ITPR1: variants seen among roughly 807,000 people sequenced by gnomAD.
ITPR1 encodes inositol 1,4,5-trisphosphate-gated calcium channel ITPR1.
A neutral mutation model predicts 318.4 loss-of-function variants in ITPR1; 96 were observed. The ratio of observed to expected loss-of-function variants is 0.30; its 90% CI spans 0.26 to 0.36. ITPR1 has a LOEUF of 0.36. ITPR1 is among the 10% of genes least tolerant of loss of function. The pLI is 1.00. For missense variants in ITPR1, 2,440 were observed against 3,460.2 expected (o/e 0.71, Z 7.40); for synonymous variants, 1,312 against 1,289.9 (o/e 1.02, Z -0.37).
chr3:4,756,376 T>C (rs761323150), intron 44 of ITPR1, among the ~76,000 whole-genome samples: 1 of 152,214 alleles, frequency 6.6e-6, no homozygotes, highest in Non-Finnish European at 1.5e-5. Context: ...AGGTGTGTTA[T>C]ACAGGTAAAC....
At chr3:4,793,293 G>T (rs758666658) in intron 52 of ITPR1, among the ~76,000 whole-genome samples, 25 of 152,264 alleles carry the variant, frequency 1.6e-4, no homozygotes, top group Non-Finnish European at 2.8e-4. Flanking sequence ...CATTTGATAC[G>T]GAGCACTCCC....
chr3:4,719,277 C>T (rs1574998781), intron 40 of ITPR1, among the ~76,000 whole-genome samples: 1 of 152,226 alleles, frequency 6.6e-6, no homozygotes, highest in East Asian at 1.9e-4. Context: ...GCGTTGTTCC[C>T]CTGGCAACTG....
Position 4,727,146 on chromosome 3 carries a change from C to A in ITPR1, c.5193C>A (p.Pro1731=). The A allele has an allele frequency of 6.3e-7, 1 of 1,597,820 alleles. No homozygotes were observed. The highest frequency in any genetic ancestry group is 2.2e-5 in the East Asian group (1 of 44,846). ...NATEELEPSP[P]LRQLEDHKRG... Reference sequence around the variant, plus strand: ...AGCAGGAGCTTGAACCAAGTCCACCCCTGCGGCAGCTGGAAGACCATAAAA... The same window carrying A: ...AGCAGGAGCTTGAACCAAGTCCACCACTGCGGCAGCTGGAAGACCATAAAA... Residue 1731 remains proline (P), a synonymous_variant, in exon 42 of 62, where the codon CCC becomes CCA. Coordinates refer to ENST00000649015, the MANE Select transcript of ITPR1 (RefSeq NM_001378452.1).
At chr3:4,770,514 C>T (rs552734130) in intron 46 of ITPR1, among the ~76,000 whole-genome samples, 19 of 152,312 alleles carry the variant, frequency 1.2e-4, no homozygotes, top group Middle Eastern at 3.4e-3. Context: ...ACCCCACTGT[C>T]GGCCAGGCTG....
At chr3:4,502,274 A>T (rs1244699170) in intron 2 of ITPR1, among the ~76,000 whole-genome samples, 1 of 152,038 alleles carries the variant, frequency 6.6e-6, no homozygotes, top group African/African-American at 2.4e-5. Flanking sequence ...AAAATCTGTC[A>T]TTTGAAACTC....
Position 4,722,782 on chromosome 3 carries a change from C to G in ITPR1, c.5137-2764C>G, listed in dbSNP as rs35504839. On this transcript the variant is annotated intron_variant, in intron 40 of 61. Coordinates refer to ENST00000649015, the MANE Select transcript of ITPR1 (RefSeq NM_001378452.1). ...TTGGATTATTTAGGGAACTTGCCAG[C>G]TAGATATTGTGAAATGAAATTTACT... Among the ~76,000 whole-genome samples the G allele has an allele frequency of 7.3e-3, 1,047 of 143,118 alleles. 10 individuals carry two copies. The highest frequency in any genetic ancestry group is 0.011 in the Non-Finnish European group (723 of 63,358). The allele number at this position is 143,118 out of a possible 152,430, so 93.9% of individuals were successfully genotyped here. A position where few individuals can be genotyped will look rare whatever the true frequency, so the allele number is the denominator to read the frequency against.
In ITPR1 at chr3:4,680,679, A is replaced by C. The variant is rs763362129; in HGVS notation, c.3094A>C (p.Ser1032Arg). 1 of 1,611,778 alleles carries C rather than the reference A, an allele frequency of 6.2e-7. No homozygotes were observed. Among genetic ancestry groups the C allele is most frequent in the African/African-American group, 1.3e-5 (1 of 74,944 alleles). ...SSGNSSQEGP[S>R]NVPGALDFEH... Reference sequence around the variant, plus strand: ...CGGAAACAGCAGCCAAGAAGGGCCAAGTAATGTACCAGGTTAGTGATTCAG... The same window carrying C: ...CGGAAACAGCAGCCAAGAAGGGCCACGTAATGTACCAGGTTAGTGATTCAG... The change falls in exon 25 of 62, where the codon AGT becomes CGT. Residue 1032 changes from serine (S) to arginine (R), a missense_variant. By Grantham distance (110) the Ser-to-Arg change is moderately radical. Transcript: ENST00000649015.
chr3:4,815,651 GACAC>G (rs1460678774), intron 59 of ITPR1, among the ~76,000 whole-genome samples: 1 of 152,100 alleles, frequency 6.6e-6, no homozygotes, highest in African/African-American at 2.4e-5. Context: ...GAGGTGCATG[GACAC>G]CAAACAAATC....
chr3:4,791,286 C>T (rs373403816), intron 52 of ITPR1, among the ~76,000 whole-genome samples: 138 of 152,286 alleles, frequency 9.1e-4, no homozygotes, highest in African/African-American at 3.1e-3. Flanking sequence ...TGTAAGGCAG[C>T]GGTCCCCAAC....
At chr3:4,596,386 G>C (rs2090822039) in intron 4 of ITPR1, among the ~76,000 whole-genome samples, 1 of 151,932 alleles carries the variant, frequency 6.6e-6, no homozygotes, top group Non-Finnish European at 1.5e-5. Flanking sequence ...ATCATCTTTG[G>C]TTCCAAATCG....
chr3:4,631,951 CG>C (rs1559575780), intron 5 of ITPR1, among the ~76,000 whole-genome samples: 1 of 152,090 alleles, frequency 6.6e-6, no homozygotes, highest in Non-Finnish European at 1.5e-5. Context: ...TGCGCCCAGC[CG>C]ACAGATAACT....
At chr3:4,624,286 T>C (rs532743362) in intron 4 of ITPR1, among the ~76,000 whole-genome samples, 4 of 152,342 alleles carry the variant, frequency 2.6e-5, no homozygotes, top group Admixed American at 2.6e-4. Context: ...CAAATGTTAA[T>C]GCCAGTGACT....
intron 2 of ITPR1, among the ~76,000 whole-genome samples, chr3:4,499,770 T>C (rs2080880269): frequency 6.6e-6 from 1 of 152,216 alleles, no homozygotes; most frequent in African/African-American, 2.4e-5. Context: ...CATAATTTGG[T>C]AGTTAGATGT....
Position 4,824,139 on chromosome 3 carries a change from C to A in ITPR1, c.8028+5897C>A, listed in dbSNP as rs2049912921. 2.0e-5 allele frequency among the ~76,000 whole-genome samples: 3 copies of A among 152,100 alleles called. No homozygotes were observed. In the South Asian group the frequency reaches 6.2e-4, roughly 32 times the overall value. ...AGTGAAATATCGGGGGAGAACCTGC[C>A]CCCCCATGGTAGCTAGAGTGTTCTG... is the stretch of plus-strand genomic sequence containing the variant. On this transcript the variant is annotated intron_variant, in intron 60 of 61. Transcript: ENST00000649015.
intron 44 of ITPR1, among the ~76,000 whole-genome samples, chr3:4,763,713 G>A (rs565195951): frequency 2.0e-5 from 3 of 152,352 alleles, no homozygotes; most frequent in South Asian, 2.1e-4. Context: ...TGACCGTGGC[G>A]GAAACACACA....
chr3:4,665,201 G>A lies in ITPR1; in HGVS notation c.1618G>A (p.Glu540Lys), dbSNP rs1244402572. 6.2e-7 allele frequency: 1 copy of A among 1,614,034 alleles called. No homozygotes were observed. Among genetic ancestry groups the A allele is most frequent in the Admixed American group, 1.7e-5 (1 of 60,030 alleles). ...TGATGGCCCAATGCTTCGGCTGGAA[G>A]AGCTCGGGGACCAGCGGCACGCTCC... is the stretch of plus-strand genomic sequence containing the variant. ...CGDGPMLRLE[E>K]LGDQRHAPFR... Residue 540 changes from glutamate to lysine, a missense_variant, in exon 17 of 62, where the codon GAG becomes AAG. This residue lies in a region of ITPR1 where 478 missense variants were observed against 696.3 expected (regional missense o/e 0.69). Transcript: ENST00000649015.
rs11720655 is a variant in ITPR1 at position 4,762,365 on chromosome 3, C to G, written c.5545-4165C>G. Among the ~76,000 whole-genome samples the G allele has an allele frequency of 9.1e-4, 138 of 152,142 alleles. 1 individual carries two copies. Among genetic ancestry groups the G allele is most frequent in the Admixed American group, 5.3e-3 (81 of 15,302 alleles). On this transcript the variant is annotated intron_variant, in intron 44 of 61. Transcript: ENST00000649015. ...AACCTTCACAACCATCCATGAAGTACGATTATTGCCCATTTTGCAGATGAG... is the reference window on the plus strand; with the variant it reads ...AACCTTCACAACCATCCATGAAGTAGGATTATTGCCCATTTTGCAGATGAG...
At chr3:4,556,632 A>G (rs1475269661) in intron 4 of ITPR1, among the ~76,000 whole-genome samples, 1 of 151,734 alleles carries the variant, frequency 6.6e-6, no homozygotes, top group Non-Finnish European at 1.5e-5. Flanking sequence ...ATGTCTTTTC[A>G]TGGCTCTATA....
chr3:4,645,412 G>A lies in ITPR1; in HGVS notation c.650G>A (p.Ser217Asn). 1 of 1,613,344 alleles carries A rather than the reference G, an allele frequency of 6.2e-7. No individual in the cohort carries two copies. The highest frequency in any genetic ancestry group is 8.5e-7 in the Non-Finnish European group (1 of 1,179,406). The change falls in exon 9 of 62, where the codon AGC becomes AAC. Residue 217 changes from serine to asparagine, a missense_variant. By Grantham distance (46) the Ser-to-Asn change is conservative. Transcript: ENST00000649015. ...GTCAATTCCGTCAACTGCAATACAAGCTGGAAAATAGTCCTTTTCATGAAA... is the reference window on the plus strand; with the variant it reads ...GTCAATTCCGTCAACTGCAATACAAACTGGAAAATAGTCCTTTTCATGAAA... ...NEVNSVNCNT[S>N]WKIVLFMKWS... is the part of the protein sequence containing the mutation.
Sources: allele counts gnomAD v4.1 joint callset (sites outside exome capture counted in the v4.1 genomes callset), GRCh38; gene constraint gnomAD v4.1.1; regional missense constraint gnomAD v4.1.1; transcripts MANE v1.5; gene names NCBI Gene and HGNC (gene_info 2026-07-23, HGNC 2026-07-21).